The following TENM2 variants were observed in gnomAD, a reference collection of about 807,000 sequenced individuals.
TENM2 encodes the protein teneurin transmembrane protein 2.
In TENM2, 52 loss-of-function variants were observed where a neutral mutation model predicts 245.2. The ratio of observed to expected loss-of-function variants is 0.21; its 90% CI spans 0.17 to 0.27. The LOEUF (loss-of-function observed/expected upper bound fraction) is 0.27, where lower values mean the gene tolerates loss of function less well. TENM2 is among the 10% of genes least tolerant of loss of function. TENM2 has a pLI of 1.00. For missense variants in TENM2, 3,046 were observed against 3,666.8 expected (o/e 0.83, Z 4.37); for synonymous variants, 1,363 against 1,438.9 (o/e 0.95, Z 1.19).
At chr5:167,843,065 G>C (rs1427415319) in intron 2 of TENM2, among the ~76,000 whole-genome samples, 1 of 152,118 alleles carries the variant, frequency 6.6e-6, no homozygotes, top group East Asian at 1.9e-4. Context: ...CCAACTCTAG[G>C]GTCCGTGAAA....
At chr5:167,965,985 C>T (rs945283308) in intron 4 of TENM2, among the ~76,000 whole-genome samples, 4 of 152,106 alleles carry the variant, frequency 2.6e-5, no homozygotes, top group African/African-American at 9.7e-5. Flanking sequence ...GAAATGAAGT[C>T]AATGCATTAC....
intron 1 of TENM2, among the ~76,000 whole-genome samples, chr5:167,373,710 T>G (rs180788609): frequency 1.3e-4 from 20 of 152,258 alleles, no homozygotes; most frequent in African/African-American, 4.8e-4. Flanking sequence ...GCAGCACAAG[T>G]TGGGAGTCTG....
At chr5:167,556,383 A>G (rs926761313) in intron 2 of TENM2, among the ~76,000 whole-genome samples, 1 of 149,104 alleles carries the variant, frequency 6.7e-6, no homozygotes, top group African/African-American at 2.5e-5. Flanking sequence ...CTAAGTCTAC[A>G]GTTCAGTTTC....
At chr5:167,333,508 C>A (rs1757578173) in intron 1 of TENM2, among the ~76,000 whole-genome samples, 1 of 152,118 alleles carries the variant, frequency 6.6e-6, no homozygotes, top group African/African-American at 2.4e-5. Flanking sequence ...CCATGTTCTT[C>A]CAAAGTCTTT....
chr5:168,235,810 G>GAA (rs3083562), intron 25 of TENM2, among the ~76,000 whole-genome samples: 75,660 of 149,314 alleles, frequency 0.51, 20,255 homozygotes, highest in African/African-American at 0.69. Context: ...CTGCCTCAAA[G>GAA]AAAAAAAAAA....
intron 2 of TENM2, among the ~76,000 whole-genome samples, chr5:167,612,994 T>A (rs1777570684): frequency 6.6e-6 from 1 of 152,164 alleles, no homozygotes; most frequent in South Asian, 2.1e-4. Flanking sequence ...AAAAATTTCC[T>A]GTTGGCAGAT....
At chr5:167,563,224 G>A (rs1773707831) in intron 2 of TENM2, among the ~76,000 whole-genome samples, 1 of 152,170 alleles carries the variant, frequency 6.6e-6, no homozygotes, top group South Asian at 2.1e-4. Flanking sequence ...TTTACCCTTT[G>A]GAGGCATCTT....
At chr5:167,348,687 A>C (rs1758628155) in intron 1 of TENM2, among the ~76,000 whole-genome samples, 1 of 152,216 alleles carries the variant, frequency 6.6e-6, no homozygotes, top group Non-Finnish European at 1.5e-5. Flanking sequence ...AGAGTGTTTT[A>C]ACCCCAGGGG....
the TENM2 span, among the ~76,000 whole-genome samples, chr5:167,142,713 G>A: frequency 6.6e-6 from 1 of 152,074 alleles, no homozygotes; most frequent in South Asian, 2.1e-4. Flanking sequence ...ACTATGCCCA[G>A]CTAATTTTTT....
rs559374169 is a variant in TENM2 at position 167,719,284 on chromosome 5, C to T, written c.503-156702C>T. Among the ~76,000 whole-genome samples, 9 of 152,266 alleles carry T rather than the reference C, an allele frequency of 5.9e-5. No homozygotes were observed. The South Asian group carries it at 8.3e-4, about 14-fold the overall frequency. On this transcript the variant is annotated intron_variant, in intron 2 of 28. Transcript: ENST00000518659. ...GGCCTACATACTTGTGAAGACTCCG[C>T]GGGACCAAGTCCTGTTCTTCTGTCA...
the TENM2 span, among the ~76,000 whole-genome samples, chr5:166,985,970 A>G: frequency 6.6e-6 from 1 of 152,194 alleles, no homozygotes; most frequent in African/African-American, 2.4e-5. Flanking sequence ...CTTTGCAATA[A>G]ATAATGATTT....
chr5:168,003,306 AACACACACACACACACAC>A (rs70976455), intron 5 of TENM2, among the ~76,000 whole-genome samples: 1 of 90,544 alleles, frequency 1.1e-5, no homozygotes, highest in Non-Finnish European at 2.0e-5. Flanking sequence ...TTTAAGAAAA[AACACACACACACACACAC>A]ACACACACAC....
chr5:167,273,934 G>A, the TENM2 span, among the ~76,000 whole-genome samples: 2 of 152,052 alleles, frequency 1.3e-5, no homozygotes, highest in Non-Finnish European at 2.9e-5. Flanking sequence ...TGCTACAACT[G>A]TCAAATCGTA....
chr5:167,488,306 A>G (rs951191102), intron 2 of TENM2, among the ~76,000 whole-genome samples: 1 of 152,182 alleles, frequency 6.6e-6, no homozygotes, highest in Non-Finnish European at 1.5e-5. Flanking sequence ...CATTGTCTAC[A>G]TTCACTGTCT....
the TENM2 span, among the ~76,000 whole-genome samples, chr5:167,230,709 C>G: frequency 6.6e-6 from 1 of 152,048 alleles, no homozygotes; most frequent in African/African-American, 2.4e-5. Flanking sequence ...AATGTTGATA[C>G]AAAGCCAGGA....
chr5:167,431,974 T>TATACACATATATATAC (rs1561950540), intron 2 of TENM2, among the ~76,000 whole-genome samples: 1 of 143,264 alleles, frequency 7.0e-6, no homozygotes, highest in African/African-American at 2.7e-5. Context: ...TATATATATA[T>TATACACATATATATAC]ATATGGAAGT....
At chr5:167,073,693 C>G in the TENM2 span, among the ~76,000 whole-genome samples, 2 of 152,116 alleles carry the variant, frequency 1.3e-5, no homozygotes, top group Admixed American at 1.3e-4. Context: ...TTGCTATCTT[C>G]ACATAGAAAT....
At chr5:167,827,630 G>GC (rs906878337) in intron 2 of TENM2, among the ~76,000 whole-genome samples, 5 of 130,620 alleles carry the variant, frequency 3.8e-5, no homozygotes, top group Admixed American at 7.6e-5. Context: ...TAGGTGGGCG[G>GC]GGGGGGGGGA....
At chr5:167,589,215 A>AT (rs397941152) in intron 2 of TENM2, among the ~76,000 whole-genome samples, 20 of 151,468 alleles carry the variant, frequency 1.3e-4, no homozygotes, top group African/African-American at 4.4e-4. Context: ...AAAAAAAAAA[A>AT]TTAATGATAC....
Sources: allele counts gnomAD v4.1 joint callset (sites outside exome capture counted in the v4.1 genomes callset), GRCh38; gene constraint gnomAD v4.1.1; transcripts MANE v1.5; gene names NCBI Gene and HGNC (gene_info 2026-07-23, HGNC 2026-07-21).